Variants in EPAS1 observed in about 807,000 individuals in gnomAD.
The protein encoded by EPAS1 is endothelial PAS domain protein 1, also known as endothelial PAS domain-containing protein 1.
A neutral mutation model predicts 87.9 loss-of-function variants in EPAS1; 23 were observed. The ratio of observed to expected loss-of-function variants is 0.26; its 90% CI spans 0.19 to 0.37. The LOEUF (loss-of-function observed/expected upper bound fraction) is 0.37, where lower values mean the gene tolerates loss of function less well. Ranked by LOEUF, EPAS1 falls within the 10% of genes least tolerant of loss-of-function variation. The pLI, the probability that EPAS1 is intolerant of heterozygous loss-of-function variation, is 1.00. For synonymous variants in EPAS1, 508 were observed against 444.3 expected (o/e 1.14, Z -1.80); for missense variants, 1,138 against 1,120.7 (o/e 1.02, Z -0.22).
intron 1 of EPAS1, among the ~76,000 whole-genome samples, chr2:46,306,891 G>C (rs1683116714): frequency 6.6e-6 from 1 of 152,204 alleles, no homozygotes; most frequent in South Asian, 2.1e-4. Flanking sequence ...TTGGGTCAAA[G>C]CATGGGTCAT....
chr2:46,348,934 CGTT>C (rs1456602549), intron 2 of EPAS1, among the ~76,000 whole-genome samples: 4 of 152,184 alleles, frequency 2.6e-5, no homozygotes, highest in South Asian at 2.1e-4. Context: ...AATTTGGACT[CGTT>C]GTGTTTCTCC....
At chr2:46,325,137 T>G (rs1041111100) in intron 1 of EPAS1, among the ~76,000 whole-genome samples, 3 of 152,184 alleles carry the variant, frequency 2.0e-5, no homozygotes, top group African/African-American at 7.2e-5. Flanking sequence ...AAAAGCATGG[T>G]GAGGAAGGTT....
chr2:46,359,257 C>CAAAAAAAAAA (rs57351888), intron 4 of EPAS1, among the ~76,000 whole-genome samples: 8 of 25,094 alleles, frequency 3.2e-4, no homozygotes, highest in African/African-American at 9.9e-4. Context: ...GATTCTGTCT[C>CAAAAAAAAAA]AAAAAAAAAA....
At chr2:46,331,887 T>C (rs774151946) in intron 1 of EPAS1, among the ~76,000 whole-genome samples, 1 of 151,440 alleles carries the variant, frequency 6.6e-6, no homozygotes, top group Non-Finnish European at 1.5e-5. Flanking sequence ...TTCAGGCTGT[T>C]TTTTTTTCCC....
At chr2:46,302,084 C>T (rs565930338) in intron 1 of EPAS1, among the ~76,000 whole-genome samples, 1 of 143,338 alleles carries the variant, frequency 7.0e-6, no homozygotes, top group Non-Finnish European at 1.5e-5. Flanking sequence ...TGAGACTAAA[C>T]AGTTTAATTT....
chr2:46,375,892 C>T lies in EPAS1; in HGVS notation c.1034+55C>T. Reference sequence around the variant, plus strand: ...TGCAGGGTATGTGGGGGTGCCCAAGCTTCCCAGACTCAGGATGACAGGCCT... The same window carrying T: ...TGCAGGGTATGTGGGGGTGCCCAAGTTTCCCAGACTCAGGATGACAGGCCT... On this transcript the variant is annotated intron_variant, in intron 8 of 15. Coordinates refer to ENST00000263734, the MANE Select transcript of EPAS1 (RefSeq NM_001430.5). The surrounding 1 kb of genome is among the most constrained non-coding windows in gnomAD (Gnocchi z 4.1). The T allele has an allele frequency of 1.2e-6, 2 of 1,611,458 alleles. No homozygotes were observed. Among genetic ancestry groups the T allele is most frequent in the South Asian group, 2.2e-5 (2 of 90,996 alleles).
At chr2:46,334,175 C>A (rs1479358406) in intron 1 of EPAS1, among the ~76,000 whole-genome samples, 1 of 152,178 alleles carries the variant, frequency 6.6e-6, no homozygotes, top group Non-Finnish European at 1.5e-5. Context: ...GCATGACCAG[C>A]AGGAGGAGCA....
intron 1 of EPAS1, among the ~76,000 whole-genome samples, chr2:46,313,980 A>T (rs1465656537): frequency 1.3e-5 from 2 of 151,804 alleles, no homozygotes. Flanking sequence ...TCAGTGCTTA[A>T]TTTTTTTTCA....
In EPAS1 at chr2:46,384,692, C is replaced by A. The variant is rs756339853; in HGVS notation, c.*32C>A. 1.9e-6 allele frequency: 3 copies of A among 1,609,820 alleles called. No individual in the cohort carries two copies. The highest frequency in any genetic ancestry group is 2.5e-6 in the Non-Finnish European group (3 of 1,179,072). On this transcript the variant is annotated 3_prime_UTR_variant, in exon 16 of 16. Transcript: ENST00000263734. ...CCTTCTACCTGGGCAGCACCTCTGC[C>A]GACGCCGTCCCACCAGCTTCACTCT...
chr2:46,318,536 T>C (rs1683390330), intron 1 of EPAS1, among the ~76,000 whole-genome samples: 1 of 152,218 alleles, frequency 6.6e-6, no homozygotes, highest in South Asian at 2.1e-4. Flanking sequence ...CATGCCTGTG[T>C]TTCTTAACCA....
chr2:46,302,122 G>GTT (rs1558579995), intron 1 of EPAS1, among the ~76,000 whole-genome samples: 1 of 132,952 alleles, frequency 7.5e-6, no homozygotes, highest in Non-Finnish European at 1.5e-5. Context: ...TTCTCTCTGT[G>GTT]TGTGTGTGTG....
chr2:46,299,951 G>A (rs888615177), intron 1 of EPAS1, among the ~76,000 whole-genome samples: 1 of 152,244 alleles, frequency 6.6e-6, no homozygotes, highest in Non-Finnish European at 1.5e-5. Flanking sequence ...AGGCCGCTGT[G>A]TGAGCTGCGG....
intron 2 of EPAS1, among the ~76,000 whole-genome samples, chr2:46,353,797 G>C (rs899099261): frequency 6.6e-6 from 1 of 152,258 alleles, no homozygotes; most frequent in African/African-American, 2.4e-5. Flanking sequence ...CCCATGACCT[G>C]TGGTTCTCCC....
chr2:46,298,869 C>T (rs959185978), intron 1 of EPAS1, among the ~76,000 whole-genome samples: 5 of 152,240 alleles, frequency 3.3e-5, no homozygotes, highest in African/African-American at 1.2e-4. Flanking sequence ...TCAACTTCTG[C>T]AAATGTGTGC....
chr2:46,326,792 C>G (rs1292031076), intron 1 of EPAS1, among the ~76,000 whole-genome samples: 1 of 152,120 alleles, frequency 6.6e-6, no homozygotes, highest in Non-Finnish European at 1.5e-5. Context: ...ATACTCAAGA[C>G]AGGAGATAGT....
chr2:46,350,457 C>CAA (rs1684124876), intron 2 of EPAS1, among the ~76,000 whole-genome samples: 1 of 152,222 alleles, frequency 6.6e-6, no homozygotes, highest in African/African-American at 2.4e-5. Context: ...GAGGAAACCT[C>CAA]AACGTTGAGA....
At position 46,346,538 on chromosome 2, in the gene EPAS1, C is replaced by T. The variant is rs1162515272; in HGVS notation, c.27-335C>T. On this transcript the variant is annotated intron_variant, in intron 1 of 15. Coordinates refer to ENST00000263734, the MANE Select transcript of EPAS1 (RefSeq NM_001430.5). This position sits in a 1 kb window ranked among gnomAD's most constrained non-coding sequence, Gnocchi z 4.0. ...TTCTCTTTCCATCCCTGGACATTCA[C>T]CCCTATCCCCAGATATTCCAGGGCT... Among the ~76,000 whole-genome samples, 1 of 152,236 alleles carries T rather than the reference C, an allele frequency of 6.6e-6. No individual in the cohort carries two copies. Among genetic ancestry groups the T allele is most frequent in the Non-Finnish European group, 1.5e-5 (1 of 68,046 alleles).
chr2:46,363,010 G>GAT, intron 6 of EPAS1, among the ~76,000 whole-genome samples: 3 of 147,430 alleles, frequency 2.0e-5, no homozygotes, highest in Non-Finnish European at 4.5e-5. Flanking sequence ...TGGTGGTGGT[G>GAT]GTGGTGGTGA....
At chr2:46,363,014 G>GATGA (rs1558603179) in intron 6 of EPAS1, among the ~76,000 whole-genome samples, 6 of 141,090 alleles carry the variant, frequency 4.3e-5, no homozygotes, top group African/African-American at 1.1e-4. Context: ...GGTGGTGGTG[G>GATGA]TGGTGATAAT....
Sources: allele counts gnomAD v4.1 joint callset (sites outside exome capture counted in the v4.1 genomes callset), GRCh38; gene constraint gnomAD v4.1.1; non-coding constraint Gnocchi (gnomAD v3.1); transcripts MANE v1.5; gene names NCBI Gene and HGNC (gene_info 2026-07-23, HGNC 2026-07-21).